The following PCDH9 variants were observed in gnomAD, a reference collection of about 807,000 sequenced individuals.
PCDH9 encodes the protein protocadherin 9, also known as protocadherin-9.
In PCDH9, 24 loss-of-function variants were observed where a neutral mutation model predicts 70.6. The observed-to-expected ratio is 0.34, with a 90% CI of 0.25 to 0.48. The LOEUF (loss-of-function observed/expected upper bound fraction) is 0.48, where lower values mean the gene tolerates loss of function less well. PCDH9 is among the 20% of genes least tolerant of loss of function. PCDH9 has a pLI of 0.99. For missense variants in PCDH9, 1,281 were observed against 1,503.6 expected, an observed-to-expected ratio of 0.85 and a Z score of 2.45; for synonymous variants, 562 against 558.5, an observed-to-expected ratio of 1.01 and a Z score of -0.09.
intron 3 of PCDH9, among the ~76,000 whole-genome samples, chr13:66,855,100 A>G (rs2081373788): frequency 6.6e-6 from 1 of 152,074 alleles, no homozygotes; most frequent in Admixed American, 6.6e-5. Context: ...CTTGTACTTC[A>G]TAAGTAACGA....
At chr13:66,391,015 T>C (rs1391888536) in intron 4 of PCDH9, among the ~76,000 whole-genome samples, 2 of 152,142 alleles carry the variant, frequency 1.3e-5, no homozygotes, top group Non-Finnish European at 1.5e-5. Flanking sequence ...TCAGTCCTTT[T>C]AGAAAATAAG....
At chr13:66,857,164 C>T (rs1051950106) in intron 3 of PCDH9, among the ~76,000 whole-genome samples, 1 of 152,110 alleles carries the variant, frequency 6.6e-6, no homozygotes, top group African/African-American at 2.4e-5. Flanking sequence ...TTCTCTGCAT[C>T]TATCTTAACT....
At chr13:66,432,105 T>G (rs990957774) in intron 4 of PCDH9, among the ~76,000 whole-genome samples, 2 of 152,052 alleles carry the variant, frequency 1.3e-5, no homozygotes, top group African/African-American at 4.8e-5. Context: ...ACTGGGTATA[T>G]TTAAACATGT....
At chr13:66,537,978 C>T (rs905785583) in intron 4 of PCDH9, among the ~76,000 whole-genome samples, 2 of 151,842 alleles carry the variant, frequency 1.3e-5, no homozygotes, top group Non-Finnish European at 2.9e-5. Flanking sequence ...GTTTTTAAGG[C>T]CACTGAAAAA....
intron 2 of PCDH9, among the ~76,000 whole-genome samples, chr13:67,167,980 C>A (rs992738693): frequency 1.3e-5 from 2 of 152,084 alleles, no homozygotes; most frequent in Non-Finnish European, 2.9e-5. Flanking sequence ...AGGACACATG[C>A]CCACTATTTC....
At chr13:66,513,434 C>A (rs1817444064) in intron 4 of PCDH9, among the ~76,000 whole-genome samples, 1 of 151,988 alleles carries the variant, frequency 6.6e-6, no homozygotes, top group South Asian at 2.1e-4. Context: ...AGAATTGCCA[C>A]GTTTTACATA....
chr13:66,770,327 A>G (rs919979851), intron 3 of PCDH9, among the ~76,000 whole-genome samples: 7 of 152,122 alleles, frequency 4.6e-5, no homozygotes, highest in African/African-American at 1.7e-4. Flanking sequence ...TATCCATGTA[A>G]CCCAAAACCA....
At chr13:66,533,522 T>G (rs1170517126) in intron 4 of PCDH9, among the ~76,000 whole-genome samples, 1 of 152,112 alleles carries the variant, frequency 6.6e-6, no homozygotes, top group African/African-American at 2.4e-5. Flanking sequence ...ATAAAAATCA[T>G]TGTTCCCTGG....
rs111347560 is a variant in PCDH9, at chr13:67,013,264, A to AACACACACACACACACACAC, written c.3037-109679_3037-109660dup. Among the ~76,000 whole-genome samples, 156 of 144,486 alleles carry AACACACACACACACACACAC rather than the reference A, an allele frequency of 1.1e-3. 1 individual carries two copies. Among genetic ancestry groups the AACACACACACACACACACAC allele is most frequent in the African/African-American group, 2.7e-3 (106 of 39,260 alleles). The allele number at this position is 144,486 out of a possible 152,430, so 94.8% of individuals were successfully genotyped here. ...TAAACATATACTTGTTTTTTAATGT[A>AACACACACACACACACACAC]ACACACACACACACACACACACACA... is the stretch of plus-strand genomic sequence containing the variant. On this transcript the variant is annotated intron_variant, in intron 2 of 4. Transcript: ENST00000377865.
rs561518748 is a variant in PCDH9, at chr13:66,780,379, A to T, written c.3138+123125T>A. ...TTCTTGCTTTGGAAAGCATGGTCAT[A>T]TGAGGCTGTGCAGAGTATTAAAGAA... On this transcript the variant is annotated intron_variant, in intron 3 of 4. Coordinates refer to ENST00000377865, the MANE Select transcript of PCDH9 (RefSeq NM_203487.3). Among the ~76,000 whole-genome samples, 456 of 152,282 alleles carry T rather than the reference A, an allele frequency of 3.0e-3. 2 individuals carry two copies. Among genetic ancestry groups the T allele is most frequent in the African/African-American group, 0.01 (430 of 41,552 alleles).
chr13:67,143,848 G>A (rs934787325), intron 2 of PCDH9, among the ~76,000 whole-genome samples: 26 of 152,202 alleles, frequency 1.7e-4, no homozygotes, highest in African/African-American at 5.5e-4. Flanking sequence ...TAAAGTGTTC[G>A]CAGTAGTTAC....
intron 2 of PCDH9, among the ~76,000 whole-genome samples, chr13:66,992,791 T>G (rs77330206): frequency 0.014 from 2,121 of 152,158 alleles, 47 homozygotes; most frequent in African/African-American, 0.047. Context: ...AATTTCCTCA[T>G]TAAGGATCTT....
chr13:66,498,633 T>G (rs1200605948), intron 4 of PCDH9, among the ~76,000 whole-genome samples: 3 of 152,122 alleles, frequency 2.0e-5, no homozygotes, highest in Non-Finnish European at 2.9e-5. Flanking sequence ...CCACAAATAT[T>G]CAACATTTCA....
At position 67,226,253 on chromosome 13, in the gene PCDH9, G is replaced by A; in HGVS notation, c.2188C>T (p.Pro730Ser). The A allele has an allele frequency of 1.2e-6, 2 of 1,614,094 alleles. No homozygotes were observed. The highest frequency in any genetic ancestry group is 1.7e-6 in the Non-Finnish European group (2 of 1,180,014). Reference protein sequence around the residue: ...GNNKGLFRIDPVTGNITLEEK... With the variant: ...GNNKGLFRIDSVTGNITLEEK... ...TCCAGAGTAATGTTACCTGTTACTG[G>A]ATCAATCCGGAATAAGCCTTTATTG... Residue 730 changes from proline (P) to serine (S), a missense_variant, in exon 2 of 5, where the codon CCA (proline) becomes TCA (serine). Pro to Ser is a moderately conservative substitution (Grantham distance 74). Coordinates refer to ENST00000377865, the MANE Select transcript of PCDH9 (RefSeq NM_203487.3). This position sits in a 1 kb window ranked among gnomAD's most constrained non-coding sequence, Gnocchi z 5.0.
intron 4 of PCDH9, among the ~76,000 whole-genome samples, chr13:66,531,509 C>T (rs1291357224): frequency 6.6e-6 from 1 of 151,860 alleles, no homozygotes; most frequent in East Asian, 1.9e-4. Context: ...AAACAATTTT[C>T]TTGTTATGGC....
At chr13:66,687,689 A>G (rs1356705866) in intron 3 of PCDH9, among the ~76,000 whole-genome samples, 1 of 152,106 alleles carries the variant, frequency 6.6e-6, no homozygotes, top group East Asian at 1.9e-4. Flanking sequence ...GTAAAGTAAG[A>G]CACATTTTTA....
chr13:66,710,379 TAAAAG>T, intron 3 of PCDH9, among the ~76,000 whole-genome samples: 1 of 152,282 alleles, frequency 6.6e-6, no homozygotes, highest in South Asian at 2.1e-4. Flanking sequence ...TTTAAACTTT[TAAAAG>T]AAAAGTATAC....
intron 4 of PCDH9, among the ~76,000 whole-genome samples, chr13:66,418,801 G>T (rs578147985): frequency 5.4e-5 from 8 of 148,304 alleles, no homozygotes; most frequent in Non-Finnish European, 1.2e-4. Flanking sequence ...GAATCCAGGA[G>T]CTGGTTTTTT....
At chr13:66,948,931 T>G (rs1161791126) in intron 2 of PCDH9, among the ~76,000 whole-genome samples, 1 of 152,156 alleles carries the variant, frequency 6.6e-6, no homozygotes, top group Non-Finnish European at 1.5e-5. Context: ...CAGTAGGGTG[T>G]CTATTTTTGC....
Sources: gnomAD v4.1 joint callset for allele counts (sites outside exome capture counted in the v4.1 genomes callset) on GRCh38, gnomAD v4.1.1 for gene constraint, Gnocchi (gnomAD v3.1) non-coding constraint, MANE v1.5 for transcripts, NCBI Gene and HGNC (gene_info 2026-07-23, HGNC 2026-07-21) for gene names.